Variants in PAPPA2 observed in about 807,000 individuals in gnomAD.
The protein encoded by PAPPA2 is pappalysin-2.
In PAPPA2, 86 loss-of-function variants were observed where a neutral mutation model predicts 176.4. The ratio of observed to expected loss-of-function variants is 0.49; its 90% confidence interval spans 0.41 to 0.58. The LOEUF (loss-of-function observed/expected upper bound fraction) is 0.58, where lower values mean the gene tolerates loss of function less well. Among genes scored for constraint, PAPPA2 ranks in the 20% least tolerant of loss-of-function variants. The pLI, the probability that PAPPA2 is intolerant of heterozygous loss-of-function variation, is 0.00. For synonymous variants in PAPPA2, 809 were observed against 852.2 expected (o/e 0.95, Z 0.88); for missense variants, 2,073 against 2,256.9 (o/e 0.92, Z 1.65).
chr1:176,556,765 T>G lies in PAPPA2; in HGVS notation c.443T>G (p.Leu148Arg). 6.2e-7 allele frequency: 1 copy of G among 1,614,002 alleles called. No individual in the cohort carries two copies. Among genetic ancestry groups the G allele is most frequent in the African/African-American group, 1.3e-5 (1 of 74,970 alleles). ...SELLGDDDAY[L>R]GNQRSKESLG... The stretch of plus-strand genomic sequence containing the variant: ...CTGCTGGGAGATGATGACGCTTATC[T>G]CGGCAATCAAAGATCCAAGGAGTCT... Residue 148 changes from leucine (L) to arginine (R), a missense_variant, in exon 2 of 23, where the codon CTC becomes CGC. Leu to Arg is a moderately radical substitution (Grantham distance 102). This residue lies in a region of PAPPA2 where 1,196 missense variants were observed against 1,330.4 expected (regional missense o/e 0.90). Transcript: ENST00000367662.
chr1:176,645,134 A>G (rs1309657284), intron 3 of PAPPA2, among the ~76,000 whole-genome samples: 2 of 151,816 alleles, frequency 1.3e-5, no homozygotes, highest in Non-Finnish European at 2.9e-5. Flanking sequence ...GAAATATACA[A>G]TAGGTTACTG....
intron 4 of PAPPA2, among the ~76,000 whole-genome samples, chr1:176,673,081 T>C (rs1558510568): frequency 6.6e-6 from 1 of 152,074 alleles, no homozygotes. Flanking sequence ...AGACATTTTG[T>C]TGGGCCTGTC....
At chr1:176,471,028 A>G (rs1422898739) in intron 1 of PAPPA2, among the ~76,000 whole-genome samples, 1 of 152,128 alleles carries the variant, frequency 6.6e-6, no homozygotes, top group Non-Finnish European at 1.5e-5. Flanking sequence ...GCTTTTACAG[A>G]TAGTAGGTGA....
In PAPPA2 at chr1:176,513,024, G is replaced by A. The variant is rs945087302; in HGVS notation, c.-916-42383G>A. On this transcript the variant is annotated intron_variant, in intron 1 of 22. Transcript: ENST00000367662. ...CTGTGAAGGATTACATGAAGGACCA[G>A]AACTTATACCATCAGCTCTCTTGCT... Among the ~76,000 whole-genome samples the A allele has an allele frequency of 2.0e-5, 3 of 152,164 alleles. No individual in the cohort carries two copies. In the South Asian group the frequency reaches 6.2e-4, roughly 32 times the overall value.
chr1:176,692,772 C>T (rs1010462530), intron 6 of PAPPA2, among the ~76,000 whole-genome samples: 4 of 152,194 alleles, frequency 2.6e-5, no homozygotes, highest in Non-Finnish European at 1.5e-5. Context: ...AGAGGGCTTC[C>T]CTGACTTACG....
intron 12 of PAPPA2, among the ~76,000 whole-genome samples, chr1:176,726,714 G>C (rs1440627596): frequency 1.3e-5 from 2 of 152,242 alleles, no homozygotes; most frequent in East Asian, 3.9e-4. Context: ...GAGAATTTGT[G>C]ATTATCTTTG....
intron 15 of PAPPA2, 29 bp from the exon 16 acceptor site, chr1:176,769,578 T>C: frequency 6.2e-7 from 1 of 1,607,922 alleles, no homozygotes; most frequent in South Asian, 1.1e-5. Context: ...TTAATGTGAC[T>C]TTGACAGAAG....
At chr1:176,731,831 GA>G (rs895737480) in intron 12 of PAPPA2, among the ~76,000 whole-genome samples, 2 of 151,824 alleles carry the variant, frequency 1.3e-5, no homozygotes, top group African/African-American at 4.8e-5. Context: ...TTGGGTTGCA[GA>G]AAAAAATAGA....
intron 1 of PAPPA2, among the ~76,000 whole-genome samples, chr1:176,534,813 G>A (rs964701775): frequency 6.6e-6 from 1 of 152,176 alleles, no homozygotes; most frequent in Non-Finnish European, 1.5e-5. Flanking sequence ...ATATAGAGAT[G>A]TGGCTTTGAG....
chr1:176,480,911 C>A (rs1041782037), intron 1 of PAPPA2, among the ~76,000 whole-genome samples: 1 of 152,076 alleles, frequency 6.6e-6, no homozygotes, highest in East Asian at 1.9e-4. Flanking sequence ...CAGCAGCCAC[C>A]TTCAACGCCT....
chr1:176,799,971 G>T, intron 20 of PAPPA2, 90 bp from the exon 21 acceptor site: 1 of 1,279,938 alleles, frequency 7.8e-7, no homozygotes, highest in East Asian at 2.4e-5. Context: ...AATGGAGTTG[G>T]ACTCCTGTGG....
chr1:176,739,018 A>G lies in PAPPA2; in HGVS notation c.3799-608A>G, dbSNP rs546588698. On this transcript the variant is annotated intron_variant, in intron 12 of 22. Transcript: ENST00000367662. Reference sequence around the variant, plus strand: ...GCCGGGGACTGGGTATACATGCTTGATGCACCAGGAAGACACATAAGAATA... The same window carrying G: ...GCCGGGGACTGGGTATACATGCTTGGTGCACCAGGAAGACACATAAGAATA... Among the ~76,000 whole-genome samples, 3 of 152,238 alleles carry G rather than the reference A, an allele frequency of 2.0e-5. No individual in the cohort carries two copies. The East Asian group carries it at 5.8e-4, about 29-fold the overall frequency.
intron 2 of PAPPA2, among the ~76,000 whole-genome samples, chr1:176,577,731 AG>A (rs1652735427): frequency 6.6e-6 from 1 of 151,988 alleles, no homozygotes; most frequent in African/African-American, 2.4e-5. Context: ...GTGTTGGATA[AG>A]TAGTTCTGCA....
intron 12 of PAPPA2, among the ~76,000 whole-genome samples, chr1:176,738,084 C>A (rs774057106): frequency 1.9e-4 from 29 of 152,064 alleles, no homozygotes; most frequent in Non-Finnish European, 4.0e-4. Flanking sequence ...GCTTTGATGT[C>A]ATTTGCTGCT....
At chr1:176,827,223 TA>T (rs1450273228) in intron 21 of PAPPA2, among the ~76,000 whole-genome samples, 3 of 152,198 alleles carry the variant, frequency 2.0e-5, no homozygotes, top group African/African-American at 7.2e-5. Flanking sequence ...ACGTTCCCTG[TA>T]TTATCTCCAG....
At chr1:176,474,761 C>T (rs1418709772) in intron 1 of PAPPA2, among the ~76,000 whole-genome samples, 2 of 152,114 alleles carry the variant, frequency 1.3e-5, no homozygotes, top group Non-Finnish European at 2.9e-5. Flanking sequence ...GAGCAAGAGG[C>T]TACCAGAAAA....
intron 1 of PAPPA2, among the ~76,000 whole-genome samples, chr1:176,474,416 A>G (rs1219658460): frequency 6.6e-6 from 1 of 152,250 alleles, no homozygotes; most frequent in Non-Finnish European, 1.5e-5. Flanking sequence ...AGCGCTGGTC[A>G]TATGGCTGCC....
intron 12 of PAPPA2, among the ~76,000 whole-genome samples, chr1:176,724,200 G>A (rs963824670): frequency 6.6e-6 from 1 of 152,178 alleles, no homozygotes; most frequent in Non-Finnish European, 1.5e-5. Flanking sequence ...GTTGGATTGT[G>A]AGGAAAGGCT....
intron 3 of PAPPA2, among the ~76,000 whole-genome samples, chr1:176,610,663 A>G (rs1255410162): frequency 1.3e-5 from 2 of 152,202 alleles, no homozygotes; most frequent in Non-Finnish European, 2.9e-5. Context: ...AACAACCTGA[A>G]GCACATACAA....
Sources: allele counts gnomAD v4.1 joint callset (sites outside exome capture counted in the v4.1 genomes callset), GRCh38; gene constraint gnomAD v4.1.1; regional missense constraint gnomAD v4.1.1; transcripts MANE v1.5; gene names NCBI Gene and HGNC (gene_info 2026-07-23, HGNC 2026-07-21).